ZNF804B: variants seen among roughly 807,000 people sequenced by gnomAD.
ZNF804B encodes the protein zinc finger protein 804B, also known as zinc finger 804B.
ZNF804B carries 80 observed loss-of-function variants against 101.4 expected under a neutral mutation model. That is an observed-to-expected ratio of 0.79 (90% CI 0.66 to 0.95). The LOEUF (loss-of-function observed/expected upper bound fraction) is 0.95. Ranked by LOEUF, ZNF804B falls within the 40% of genes least tolerant of loss-of-function variation. ZNF804B has a pLI of 0.00. For synonymous variants in ZNF804B, 622 were observed against 558.8 expected, an observed-to-expected ratio of 1.11 and a Z score of -1.59; for missense variants, 1,673 against 1,561.9, an observed-to-expected ratio of 1.07 and a Z score of -1.20.
intron 1 of ZNF804B, among the ~76,000 whole-genome samples, chr7:89,020,191 G>T (rs1048978695): frequency 6.6e-6 from 1 of 152,046 alleles, no homozygotes; most frequent in East Asian, 1.9e-4. Flanking sequence ...GATATTTACT[G>T]TCTTTTTGCT....
intron 1 of ZNF804B, among the ~76,000 whole-genome samples, chr7:88,801,299 A>AG (rs200811708): frequency 8.2e-4 from 123 of 150,572 alleles, no homozygotes; most frequent in Admixed American, 1.5e-3. Flanking sequence ...GTGGGAGGAG[A>AG]GGGGAAAAAA....
At chr7:88,940,414 A>G (rs191656570) in intron 1 of ZNF804B, among the ~76,000 whole-genome samples, 253 of 152,134 alleles carry the variant, frequency 1.7e-3, no homozygotes, top group African/African-American at 5.9e-3. Context: ...TCAAAAGGCC[A>G]AAGTTAACCT....
intron 1 of ZNF804B, among the ~76,000 whole-genome samples, chr7:88,809,567 T>C (rs1562799871): frequency 6.6e-6 from 1 of 152,218 alleles, no homozygotes; most frequent in African/African-American, 2.4e-5. Flanking sequence ...AGACTAATAA[T>C]TTATAAATTG....
At chr7:89,041,742 G>A (rs1789020704) in intron 1 of ZNF804B, among the ~76,000 whole-genome samples, 1 of 152,122 alleles carries the variant, frequency 6.6e-6, no homozygotes, top group African/African-American at 2.4e-5. Context: ...AGGCTTGTGG[G>A]AAGGGTTTCA....
chr7:88,984,755 T>C (rs983650529), intron 1 of ZNF804B, among the ~76,000 whole-genome samples: 6 of 152,096 alleles, frequency 3.9e-5, no homozygotes, highest in Non-Finnish European at 8.8e-5. Flanking sequence ...TTTCCTAAGA[T>C]ATTAGATTGT....
intron 1 of ZNF804B, among the ~76,000 whole-genome samples, chr7:88,816,469 T>C (rs1020863187): frequency 6.6e-6 from 1 of 152,136 alleles, no homozygotes; most frequent in Non-Finnish European, 1.5e-5. Flanking sequence ...GAGAACATTT[T>C]TGCAATCTAC....
chr7:88,794,163 A>G (rs10232200), intron 1 of ZNF804B: 1 of 1,574,670 alleles, frequency 6.4e-7, no homozygotes, highest in Non-Finnish European at 8.6e-7. Flanking sequence ...AGACATGGGC[A>G]CATTATCCCT....
intron 1 of ZNF804B, among the ~76,000 whole-genome samples, chr7:88,939,541 C>A (rs1793026238): frequency 2.0e-5 from 3 of 151,512 alleles, no homozygotes; most frequent in Non-Finnish European, 4.4e-5. Context: ...TAAAAGCCAC[C>A]AACCATTGTG....
rs181591018 is a variant in ZNF804B, at chr7:89,321,053, A to C, written c.250-6291A>C. 6.6e-5 allele frequency among the ~76,000 whole-genome samples: 10 copies of C among 152,314 alleles called. No homozygotes were observed. The East Asian group carries it at 1.4e-3, about 21-fold the overall frequency. ...TGAATGCATCAAGTAAAATAATAAG[A>C]AATAGTTTACCATGTATACTGAAAT... On this transcript the variant is annotated intron_variant, in intron 2 of 3. Transcript: ENST00000333190.
In ZNF804B at chr7:89,336,580, G is replaced by A; in HGVS notation, c.3598G>A (p.Val1200Ile). Residue 1200 changes from valine to isoleucine, a missense_variant, in exon 4 of 4, where the codon GTT (valine) becomes ATT (isoleucine). Transcript: ENST00000333190. ...GGCCTCAACCGTACAGACAGTTCCAGTTCACCAGCACACTTCTATCACCAC... is the reference window on the plus strand; with the variant it reads ...GGCCTCAACCGTACAGACAGTTCCAATTCACCAGCACACTTCTATCACCAC... ...SPASTVQTVP[V>I]HQHTSITTIH... 6.2e-7 allele frequency: 1 copy of A among 1,614,054 alleles called. No homozygotes were observed.
At chr7:89,272,344 A>G (rs1395267311) in intron 2 of ZNF804B, among the ~76,000 whole-genome samples, 1 of 152,112 alleles carries the variant, frequency 6.6e-6, no homozygotes, top group African/African-American at 2.4e-5. Flanking sequence ...CTAAATTGGA[A>G]TCATAATTTA....
At chr7:88,946,356 G>A (rs1230091337) in intron 1 of ZNF804B, among the ~76,000 whole-genome samples, 1 of 151,658 alleles carries the variant, frequency 6.6e-6, no homozygotes, top group East Asian at 1.9e-4. Flanking sequence ...ATAATTATGT[G>A]GTTTTTGTCA....
At chr7:89,227,858 A>C (rs1256959907) in intron 2 of ZNF804B, among the ~76,000 whole-genome samples, 1 of 152,192 alleles carries the variant, frequency 6.6e-6, no homozygotes, top group Non-Finnish European at 1.5e-5. Context: ...ATTCCATGAG[A>C]TCTCTCAACA....
intron 2 of ZNF804B, among the ~76,000 whole-genome samples, chr7:89,238,869 C>A (rs1430955435): frequency 1.3e-5 from 2 of 152,146 alleles, no homozygotes; most frequent in Non-Finnish European, 2.9e-5. Context: ...GTCAAGGTGG[C>A]AGACCTGACT....
rs187820300 is a variant in ZNF804B, at chr7:89,208,016, G to A, written c.109-10139G>A. ...ACTGATAGTCTTTCCATTTTGGTGG[G>A]CTAATACTGCGTTGTGTCAGCAAAA... On this transcript the variant is annotated intron_variant, in intron 1 of 3. Transcript: ENST00000333190. Among the ~76,000 whole-genome samples the A allele has an allele frequency of 9.2e-5, 14 of 151,952 alleles. No individual in the cohort carries two copies. In the East Asian group the frequency reaches 2.7e-3, roughly 29 times the overall value.
At chr7:89,021,792 C>G (rs1788672176) in intron 1 of ZNF804B, among the ~76,000 whole-genome samples, 1 of 152,154 alleles carries the variant, frequency 6.6e-6, no homozygotes, top group Non-Finnish European at 1.5e-5. Context: ...GGTAAAGTGG[C>G]TACTGGCTCC....
chr7:89,208,879 G>A (rs1788760193), intron 1 of ZNF804B, among the ~76,000 whole-genome samples: 1 of 152,062 alleles, frequency 6.6e-6, no homozygotes, highest in Non-Finnish European at 1.5e-5. Flanking sequence ...GGGCGAGCTG[G>A]CAGGCCCGTG....
At chr7:88,880,904 A>C (rs907177175) in intron 1 of ZNF804B, among the ~76,000 whole-genome samples, 1 of 152,078 alleles carries the variant, frequency 6.6e-6, no homozygotes, top group Non-Finnish European at 1.5e-5. Context: ...TTTTAATGGA[A>C]AATTCTTTAA....
At chr7:89,137,275 TTCAC>T (rs1466367841) in intron 1 of ZNF804B, among the ~76,000 whole-genome samples, 1 of 152,072 alleles carries the variant, frequency 6.6e-6, no homozygotes, top group Non-Finnish European at 1.5e-5. Flanking sequence ...TCATTTTACT[TTCAC>T]AGTCAGACTT....
Sources: allele counts gnomAD v4.1 joint callset (sites outside exome capture counted in the v4.1 genomes callset), GRCh38; gene constraint gnomAD v4.1.1; transcripts MANE v1.5; gene names NCBI Gene and HGNC (gene_info 2026-07-23, HGNC 2026-07-21).